MGME1: variants seen among roughly 807,000 people sequenced by gnomAD.
MGME1 encodes mitochondrial genome maintenance exonuclease 1, also known as chromosome 20 open reading frame 72.
Under a neutral mutation model 33.0 loss-of-function variants are expected in MGME1, and 22 were observed. The ratio of observed to expected loss-of-function variants is 0.67; its 90% CI spans 0.48 to 0.95. MGME1 has a LOEUF of 0.95. MGME1 is among the 40% of genes least tolerant of loss of function. The pLI, the probability that MGME1 is intolerant of heterozygous loss-of-function variation, is 0.00. For missense variants in MGME1, 383 were observed against 397.8 expected (o/e 0.96, Z 0.32); for synonymous variants, 133 against 144.0 (o/e 0.92, Z 0.55).
At chr20:17,971,621 A>G (rs935366339) in intron 2 of MGME1, among the ~76,000 whole-genome samples, 1 of 152,212 alleles carries the variant, frequency 6.6e-6, no homozygotes, top group African/African-American at 2.4e-5. Context: ...GCACAAAGTA[A>G]GGAAGTGCAC....
At chr20:17,974,559 T>C (rs2035812114) in intron 2 of MGME1, among the ~76,000 whole-genome samples, 1 of 152,184 alleles carries the variant, frequency 6.6e-6, no homozygotes, top group Non-Finnish European at 1.5e-5. Flanking sequence ...AAAATGAACA[T>C]ACAGGAAAAA....
intron 1 of MGME1, 141 bp from the exon 2 acceptor site, chr20:17,969,660 T>A (rs1168829776): frequency 2.0e-6 from 1 of 504,810 alleles, no homozygotes; most frequent in Non-Finnish European, 3.4e-6. Flanking sequence ...TATTTATAAA[T>A]TTTTTTTGGA....
At chr20:17,981,872 C>T (rs1022653110) in intron 3 of MGME1, among the ~76,000 whole-genome samples, 2 of 151,876 alleles carry the variant, frequency 1.3e-5, no homozygotes, top group African/African-American at 2.4e-5. Context: ...AGGCTTGTTT[C>T]GAACTCCTGA....
intron 4 of MGME1, 87 bp from the exon 5 acceptor site, chr20:17,989,852 C>A: frequency 1.6e-6 from 2 of 1,233,846 alleles, no homozygotes; most frequent in Non-Finnish European, 2.3e-6. Flanking sequence ...TTATTTTATA[C>A]TGAGTTTGCC....
intron 2 of MGME1, among the ~76,000 whole-genome samples, chr20:17,973,518 G>A (rs1263576723): frequency 6.6e-6 from 1 of 151,976 alleles, no homozygotes; most frequent in African/African-American, 2.4e-5. Flanking sequence ...GCCAGGCGTG[G>A]TGGCACATGC....
chr20:17,974,199 G>A (rs973193621), intron 2 of MGME1, among the ~76,000 whole-genome samples: 1 of 151,760 alleles, frequency 6.6e-6, no homozygotes, highest in Non-Finnish European at 1.5e-5. Context: ...AGAGTAGCTG[G>A]AATTACAGGC....
chr20:17,974,061 G>GTTTTTTTTTTTTTTTTTT (rs34206000), intron 2 of MGME1, among the ~76,000 whole-genome samples: 3 of 85,472 alleles, frequency 3.5e-5, no homozygotes, highest in Middle Eastern at 7.9e-3. Flanking sequence ...CTCTTTGTGT[G>GTTTTTTTTTTTTTTTTTT]TTTTTTTTTT....
intron 2 of MGME1, chr20:17,972,604 T>C (rs2035758134): frequency 1.1e-5 from 10 of 923,658 alleles, no homozygotes; most frequent in Non-Finnish European, 1.3e-5. Context: ...TAAGCAGACT[T>C]GATGCTACAT....
intron 1 of MGME1, among the ~76,000 whole-genome samples, chr20:17,969,592 A>C (rs2035656445): frequency 6.6e-6 from 1 of 152,098 alleles, no homozygotes; most frequent in African/African-American, 2.4e-5. Flanking sequence ...TCTTGCCTCA[A>C]GCTGTCTACT....
chr20:17,988,045 T>C, intron 3 of MGME1, 121 bp from the exon 4 acceptor site: 2 of 943,410 alleles, frequency 2.1e-6, no homozygotes, highest in Non-Finnish European at 3.0e-6. Flanking sequence ...AAAAAAATGG[T>C]GAATAAGAGC....
rs1295978647 is a variant in MGME1 at position 17,975,792 on chromosome 20, A to G, written c.620A>G (p.Glu207Gly). The change falls in exon 3 of 5, where the codon GAA becomes GGA. Residue 207 changes from glutamate (E) to glycine (G), a missense_variant. Glu to Gly is a moderately conservative substitution (Grantham distance 98). Coordinates refer to ENST00000377710, the MANE Select transcript of MGME1 (RefSeq NM_052865.4). ...DENLLKSGYIESVQHILKDVS... is the reference protein window; with the variant it reads ...DENLLKSGYIGSVQHILKDVS... ...AATCTCCTCAAGTCTGGTTACATTG[A>G]AAGTGTCCAGCATATTCTGAAAGAT... The G allele has an allele frequency of 6.2e-7, 1 of 1,614,170 alleles. No individual in the cohort carries two copies.
intron 3 of MGME1, 125 bp downstream of exon 3, chr20:17,976,028 T>G: frequency 1.3e-6 from 1 of 766,098 alleles, no homozygotes; most frequent in Non-Finnish European, 2.2e-6. Flanking sequence ...GTAAAAGAAT[T>G]GGGTGGGGCG....
intron 3 of MGME1, among the ~76,000 whole-genome samples, chr20:17,985,133 TAAA>T (rs2036124967): frequency 1.3e-5 from 2 of 149,508 alleles, no homozygotes; most frequent in Admixed American, 6.7e-5. Context: ...GTCAATAAAT[TAAA>T]GAAGTGGCCG....
chr20:17,972,891 T>A, intron 2 of MGME1: 1 of 551,090 alleles, frequency 1.8e-6, no homozygotes. Flanking sequence ...TCCTAGGCTT[T>A]AATTCCATCA....
Position 17,969,851 on chromosome 20 carries a change from CAAAT to C in MGME1, c.-8_-5del, listed in dbSNP as rs1258116713. 6.3e-7 allele frequency: 1 copy of C among 1,595,880 alleles called. No homozygotes were observed. The highest frequency in any genetic ancestry group is 1.8e-5 in the Admixed American group (1 of 55,490). On this transcript the variant is annotated 5_prime_UTR_variant, in exon 2 of 5. Transcript: ENST00000377710. ...CGTTGCAAATAGACTAAAGTGAAAA[CAAAT>C]CTGAATGAAGATGAAGTTATTTCAG...
chr20:17,978,862 G>A (rs1175944530), intron 3 of MGME1, among the ~76,000 whole-genome samples: 1 of 151,708 alleles, frequency 6.6e-6, no homozygotes, highest in Non-Finnish European at 1.5e-5. Flanking sequence ...TGCAACCTCT[G>A]CCTCCTGGGT....
Position 17,988,318 on chromosome 20 carries a change from A to T in MGME1, c.864+20A>T. On this transcript the variant is annotated intron_variant, in intron 4 of 4. Transcript: ENST00000377710. ...TTTCAGGTCAGGACACTGAGCCTTT[A>T]CTTAAAGCTTTGCTCAATGCTTACT... The T allele has an allele frequency of 6.2e-7, 1 of 1,609,344 alleles. No homozygotes were observed. The highest frequency in any genetic ancestry group is 8.5e-7 in the Non-Finnish European group (1 of 1,178,498).
At chr20:17,976,183 G>C (rs570665376) in intron 3 of MGME1, among the ~76,000 whole-genome samples, 2 of 152,278 alleles carry the variant, frequency 1.3e-5, no homozygotes, top group African/African-American at 4.8e-5. Context: ...GAGTGCAGTG[G>C]TGCAATCTTG....
intron 2 of MGME1, among the ~76,000 whole-genome samples, chr20:17,973,216 C>T (rs1028890866): frequency 6.6e-6 from 1 of 152,008 alleles, no homozygotes; most frequent in African/African-American, 2.4e-5. Context: ...GCGCAGCGAT[C>T]ACTTGTAATC....
Sources: gnomAD v4.1 joint callset for allele counts (sites outside exome capture counted in the v4.1 genomes callset) on GRCh38, gnomAD v4.1.1 for gene constraint, MANE v1.5 for transcripts, NCBI Gene and HGNC (gene_info 2026-07-23, HGNC 2026-07-21) for gene names.